The following SUPT3H variants were observed in gnomAD, a reference collection of about 807,000 sequenced individuals.
The protein encoded by SUPT3H is transcription initiation protein SPT3 homolog.
In SUPT3H, 44 loss-of-function variants were observed where a neutral mutation model predicts 44.3. The observed-to-expected ratio is 0.99, with a 90% CI of 0.78 to 1.28. The LOEUF is 1.28. SUPT3H is among the 50% of genes most tolerant of loss of function. The pLI, the probability that SUPT3H is intolerant of heterozygous loss-of-function variation, is 0.00. For missense variants in SUPT3H, 380 were observed against 387.1 expected, an observed-to-expected ratio of 0.98 and a Z score of 0.15; for synonymous variants, 124 against 125.6, an observed-to-expected ratio of 0.99 and a Z score of 0.09.
intron 6 of SUPT3H, among the ~76,000 whole-genome samples, chr6:44,968,497 C>T (rs1777098243): frequency 6.6e-6 from 1 of 152,034 alleles, no homozygotes; most frequent in South Asian, 2.1e-4. Context: ...CCAGTGAGTG[C>T]TCATTCTGCT....
intron 3 of SUPT3H, among the ~76,000 whole-genome samples, chr6:45,067,268 A>G (rs1211580122): frequency 7.0e-6 from 1 of 142,278 alleles, no homozygotes; most frequent in African/African-American, 2.6e-5. Context: ...ATATGTAGAA[A>G]GCTGAAACTG....
At chr6:44,961,398 C>G (rs926705638) in intron 7 of SUPT3H, among the ~76,000 whole-genome samples, 1 of 151,948 alleles carries the variant, frequency 6.6e-6, no homozygotes, top group Non-Finnish European at 1.5e-5. Flanking sequence ...GAGTCCATTA[C>G]GGATCAAATG....
chr6:45,020,458 A>G (rs1562276869), intron 4 of SUPT3H, 88 bp downstream of exon 4: 2 of 909,770 alleles, frequency 2.2e-6, no homozygotes, highest in East Asian at 5.3e-5. Context: ...TTAATTTGAA[A>G]GGTACATAAC....
intron 2 of SUPT3H, among the ~76,000 whole-genome samples, chr6:45,134,988 C>T (rs1335624637): frequency 6.6e-6 from 1 of 152,268 alleles, no homozygotes; most frequent in East Asian, 1.9e-4. Context: ...ATCACCTTGG[C>T]CCCAAATGTC....
At chr6:45,054,618 G>C (rs1790831093) in intron 3 of SUPT3H, among the ~76,000 whole-genome samples, 1 of 152,084 alleles carries the variant, frequency 6.6e-6, no homozygotes, top group South Asian at 2.1e-4. Flanking sequence ...GTGAGGAAAA[G>C]ATAAATCTTT....
At chr6:45,047,913 C>T (rs1384227706) in intron 3 of SUPT3H, among the ~76,000 whole-genome samples, 1 of 147,454 alleles carries the variant, frequency 6.8e-6, no homozygotes, top group Non-Finnish European at 1.5e-5. Context: ...TGTCTATATA[C>T]AGTCTTTGCC....
chr6:45,166,939 T>C (rs558931627), intron 2 of SUPT3H, among the ~76,000 whole-genome samples: 2 of 152,350 alleles, frequency 1.3e-5, no homozygotes, highest in African/African-American at 2.4e-5. Context: ...AGTAAAGTTG[T>C]ACCCCACTTT....
chr6:45,302,554 TATGC>T (rs1280366271), intron 2 of SUPT3H, among the ~76,000 whole-genome samples: 2,581 of 113,588 alleles, frequency 0.023, 81 homozygotes, highest in Admixed American at 0.045. Flanking sequence ...TATATATATA[TATGC>T]ATGCCACAAT....
chr6:44,847,958 C>CTTTTTCTTTTTTTTTTTTTTTTTTTTT (rs1772170645), intron 10 of SUPT3H, among the ~76,000 whole-genome samples: 1 of 58,350 alleles, frequency 1.7e-5, no homozygotes, highest in African/African-American at 6.9e-5. Flanking sequence ...ATCTCTGTGT[C>CTTTTTCTTTTTTTTTTTTTTTTTTTTT]TTTTTTTTTT....
intron 2 of SUPT3H, among the ~76,000 whole-genome samples, chr6:45,158,135 C>T (rs2153599567): frequency 6.9e-6 from 1 of 144,704 alleles, no homozygotes. Context: ...AATTCAACCC[C>T]TAACAGAGTC....
chr6:45,349,002 G>A (rs1172631368), intron 2 of SUPT3H, among the ~76,000 whole-genome samples: 2 of 152,064 alleles, frequency 1.3e-5, no homozygotes, highest in Non-Finnish European at 2.9e-5. Flanking sequence ...AGTAAATGTT[G>A]AATAAATGAA....
intron 5 of SUPT3H, among the ~76,000 whole-genome samples, chr6:45,006,129 TGCTAATATTGCCACTTCC>T (rs1782682897): frequency 6.6e-6 from 1 of 152,140 alleles, no homozygotes; most frequent in Admixed American, 6.6e-5. Context: ...GCTTGCATGA[TGCTAATATTGCCACTTCC>T]GCTTTCTTTG....
At chr6:45,291,782 TG>T (rs1450007505) in intron 2 of SUPT3H, among the ~76,000 whole-genome samples, 1 of 152,168 alleles carries the variant, frequency 6.6e-6, no homozygotes, top group African/African-American at 2.4e-5. Flanking sequence ...CCAAACAGTC[TG>T]GGCTTATGTT....
At chr6:45,226,601 G>A (rs963818505) in intron 2 of SUPT3H, among the ~76,000 whole-genome samples, 4 of 152,196 alleles carry the variant, frequency 2.6e-5, no homozygotes, top group Middle Eastern at 3.4e-3. Context: ...GTGCAGTGGC[G>A]CAATCTTGGC....
intron 2 of SUPT3H, among the ~76,000 whole-genome samples, chr6:45,363,696 T>C (rs888146125): frequency 3.3e-5 from 5 of 151,998 alleles, no homozygotes; most frequent in African/African-American, 1.2e-4. Flanking sequence ...TCCACAAAAA[T>C]GTATATAAGC....
At chr6:45,013,794 T>A (rs2153513399) in intron 5 of SUPT3H, among the ~76,000 whole-genome samples, 1 of 152,138 alleles carries the variant, frequency 6.6e-6, no homozygotes, top group East Asian at 1.9e-4. Context: ...ATTGTTGCCC[T>A]AGAATAAGAA....
At chr6:45,331,721 G>C (rs1347000495) in intron 2 of SUPT3H, among the ~76,000 whole-genome samples, 1 of 151,816 alleles carries the variant, frequency 6.6e-6, no homozygotes, top group Non-Finnish European at 1.5e-5. Flanking sequence ...GATCTGGCTG[G>C]TCTGTCTGAC....
intron 11 of SUPT3H, among the ~76,000 whole-genome samples, chr6:44,814,230 A>G (rs1436358478): frequency 6.6e-6 from 1 of 152,190 alleles, no homozygotes; most frequent in African/African-American, 2.4e-5. Flanking sequence ...AGAAATGTCC[A>G]AAAATAGGAT....
chr6:44,923,573 G>A (rs981544114), intron 10 of SUPT3H, among the ~76,000 whole-genome samples: 2 of 152,086 alleles, frequency 1.3e-5, no homozygotes, highest in African/African-American at 2.4e-5. Flanking sequence ...TGTATGTCCT[G>A]TGCTGAACTA....
Sources: allele counts gnomAD v4.1 joint callset (sites outside exome capture counted in the v4.1 genomes callset), GRCh38; gene constraint gnomAD v4.1.1; transcripts MANE v1.5; gene names NCBI Gene and HGNC (gene_info 2026-07-23, HGNC 2026-07-21).